KAZN: variants seen among roughly 807,000 people sequenced by gnomAD.
KAZN encodes the protein kazrin.
KAZN carries 40 observed loss-of-function variants against 87.4 expected under a neutral mutation model. The ratio of observed to expected loss-of-function variants is 0.46; its 90% CI spans 0.36 to 0.60. The LOEUF (loss-of-function observed/expected upper bound fraction) is 0.60, where lower values mean the gene tolerates loss of function less well. Ranked by LOEUF, KAZN falls within the 20% of genes least tolerant of loss-of-function variation. The pLI is 0.00. For synonymous variants in KAZN, 466 were observed against 458.3 expected, an observed-to-expected ratio of 1.02 and a Z score of -0.22; for missense variants, 898 against 1,073.9, an observed-to-expected ratio of 0.84 and a Z score of 2.29.
chr1:14,815,854 T>C (rs77850690), intron 1 of KAZN, among the ~76,000 whole-genome samples: 6,625 of 152,268 alleles, frequency 0.044, 210 homozygotes, highest in Non-Finnish European at 0.058. Context: ...TGGCATCATC[T>C]TCCTGGGTTC....
intron 4 of KAZN, among the ~76,000 whole-genome samples, chr1:15,048,036 A>T (rs926117697): frequency 6.6e-6 from 1 of 151,482 alleles, no homozygotes; most frequent in Non-Finnish European, 1.5e-5. Context: ...CAAAGCTCAC[A>T]CCTGCCAGTG....
chr1:14,436,717 CAAAA>C (rs1197002414), intron 2 of KAZN, among the ~76,000 whole-genome samples: 73 of 51,304 alleles, frequency 1.4e-3, no homozygotes, highest in African/African-American at 5.9e-3. Flanking sequence ...GACTCTGTCT[CAAAA>C]AAAAAAAAAA....
chr1:15,094,394 C>A lies in KAZN; in HGVS notation c.1428+9C>A. On this transcript the variant is annotated intron_variant, in intron 9 of 14. Coordinates refer to ENST00000376030, the MANE Select transcript of KAZN (RefSeq NM_201628.3). This position sits in a 1 kb window ranked among gnomAD's most constrained non-coding sequence, Gnocchi z 4.5. Reference sequence around the variant, plus strand: ...ACGTGAAGAGCGGGAAGGTAGGCAACTCCGGGCCCCCTATGGGATGCCACC... The same window carrying A: ...ACGTGAAGAGCGGGAAGGTAGGCAAATCCGGGCCCCCTATGGGATGCCACC... 1 of 1,607,160 alleles carries A rather than the reference C, an allele frequency of 6.2e-7. No individual in the cohort carries two copies. Among genetic ancestry groups the A allele is most frequent in the Non-Finnish European group, 8.5e-7 (1 of 1,176,264 alleles).
chr1:14,331,130 G>T (rs1344389849), intron 2 of KAZN, among the ~76,000 whole-genome samples: 1 of 152,140 alleles, frequency 6.6e-6, no homozygotes, highest in Admixed American at 6.5e-5. Context: ...AATGGAATAG[G>T]AAAGTCCTGG....
At chr1:14,881,576 G>A (rs1218466561) in intron 1 of KAZN, among the ~76,000 whole-genome samples, 1 of 152,064 alleles carries the variant, frequency 6.6e-6, no homozygotes, top group Admixed American at 6.5e-5. Flanking sequence ...TCAGCCCTGG[G>A]AATACAGTGG....
At chr1:14,201,013 C>CGCATGGCCTCTCCTGGT (rs1198893672) in intron 2 of KAZN, among the ~76,000 whole-genome samples, 1 of 152,098 alleles carries the variant, frequency 6.6e-6, no homozygotes, top group Non-Finnish European at 1.5e-5. Flanking sequence ...CTTTGATTGG[C>CGCATGGCCTCTCCTGGT]GCATGGCCTC....
intron 2 of KAZN, among the ~76,000 whole-genome samples, chr1:14,573,884 A>G (rs2148549840): frequency 6.6e-6 from 1 of 152,122 alleles, no homozygotes; most frequent in Admixed American, 6.5e-5. Flanking sequence ...ACATCTTAAT[A>G]AAGAAAAAAA....
intron 2 of KAZN, among the ~76,000 whole-genome samples, chr1:14,543,433 G>T (rs959204027): frequency 2.0e-5 from 3 of 152,182 alleles, no homozygotes; most frequent in African/African-American, 7.2e-5. Context: ...TGGTCCTGGA[G>T]TGTGCCAATC....
intron 8 of KAZN, among the ~76,000 whole-genome samples, chr1:15,082,543 C>T (rs1387468395): frequency 6.6e-6 from 1 of 152,212 alleles, no homozygotes; most frequent in Non-Finnish European, 1.5e-5. Flanking sequence ...TTTCCCATAG[C>T]TGCTGCCAAG....
At chr1:14,279,624 C>G (rs1652684281) in intron 2 of KAZN, among the ~76,000 whole-genome samples, 1 of 152,184 alleles carries the variant, frequency 6.6e-6, no homozygotes, top group Admixed American at 6.5e-5. Flanking sequence ...AAATCATTTT[C>G]TTTATCAGAA....
intron 1 of KAZN, among the ~76,000 whole-genome samples, chr1:14,670,997 A>G (rs1639883772): frequency 6.6e-6 from 1 of 152,234 alleles, no homozygotes; most frequent in Non-Finnish European, 1.5e-5. Flanking sequence ...AACATCCCAC[A>G]GTGCACAGGA....
chr1:14,494,351 G>A (rs1169017169), intron 2 of KAZN, among the ~76,000 whole-genome samples: 1 of 152,174 alleles, frequency 6.6e-6, no homozygotes, highest in Non-Finnish European at 1.5e-5. Flanking sequence ...GGAGTGGGTA[G>A]GTAGAGGTTG....
At chr1:14,679,539 T>C (rs2148756448) in intron 1 of KAZN, among the ~76,000 whole-genome samples, 1 of 152,248 alleles carries the variant, frequency 6.6e-6, no homozygotes, top group South Asian at 2.1e-4. Flanking sequence ...GCAGGTTGTT[T>C]GCTGTCTCTA....
chr1:14,115,368 G>T (rs1644593182), intron 1 of KAZN, among the ~76,000 whole-genome samples: 1 of 152,212 alleles, frequency 6.6e-6, no homozygotes, highest in African/African-American at 2.4e-5. Flanking sequence ...TTGTGGGAGG[G>T]ACCCAGTGGG....
intron 2 of KAZN, among the ~76,000 whole-genome samples, chr1:14,447,349 C>T (rs187741379): frequency 6.6e-6 from 1 of 151,710 alleles, no homozygotes; most frequent in East Asian, 1.9e-4. Context: ...CACCATTCTC[C>T]TGCCTCAGCC....
At chr1:14,417,984 A>T in intron 2 of KAZN, among the ~76,000 whole-genome samples, 1 of 116,788 alleles carries the variant, frequency 8.6e-6, no homozygotes, top group Admixed American at 1.0e-4. Flanking sequence ...CGACAGAGTG[A>T]GACTGCCTCA....
chr1:14,050,247 T>C (rs1309801236), intron 1 of KAZN, among the ~76,000 whole-genome samples: 1 of 151,866 alleles, frequency 6.6e-6, no homozygotes, highest in Non-Finnish European at 1.5e-5. Context: ...TGGATGTGTG[T>C]GGGCATGCCT....
intron 1 of KAZN, among the ~76,000 whole-genome samples, chr1:14,657,985 G>C (rs910489256): frequency 1.3e-5 from 2 of 152,192 alleles, no homozygotes; most frequent in African/African-American, 4.8e-5. Flanking sequence ...AGACCAAGGC[G>C]TGGAGTCCAT....
At chr1:13,974,131 A>C (rs906462967) in intron 1 of KAZN, among the ~76,000 whole-genome samples, 1 of 152,254 alleles carries the variant, frequency 6.6e-6, no homozygotes, top group African/African-American at 2.4e-5. Flanking sequence ...AAATGTTATC[A>C]AACCAGGAAT....
Sources: allele counts gnomAD v4.1 joint callset (sites outside exome capture counted in the v4.1 genomes callset), GRCh38; gene constraint gnomAD v4.1.1; non-coding constraint Gnocchi (gnomAD v3.1); transcripts MANE v1.5; gene names NCBI Gene and HGNC (gene_info 2026-07-23, HGNC 2026-07-21).